The following PHF20L1 variants were observed in gnomAD, a reference collection of about 807,000 sequenced individuals.
PHF20L1 encodes the protein PHD finger protein 20-like protein 1.
PHF20L1 carries 44 observed loss-of-function variants against 125.5 expected under a neutral mutation model. The observed-to-expected ratio is 0.35, with a 90% CI of 0.28 to 0.45. The LOEUF is 0.45. Among genes scored for constraint, PHF20L1 ranks in the 20% least tolerant of loss-of-function variants. The pLI is 1.00. For missense variants in PHF20L1, 1,012 were observed against 1,217.2 expected, an observed-to-expected ratio of 0.83 and a Z score of 2.51; for synonymous variants, 380 against 403.1, an observed-to-expected ratio of 0.94 and a Z score of 0.69.
chr8:132,783,225 A>G (rs951361201), intron 2 of PHF20L1, among the ~76,000 whole-genome samples: 1 of 152,164 alleles, frequency 6.6e-6, no homozygotes, highest in Non-Finnish European at 1.5e-5. Context: ...AAATCTAAAG[A>G]AAAGGAAAAT....
At chr8:132,839,664 C>A in intron 18 of PHF20L1, 82 bp downstream of exon 18, 1 of 906,922 alleles carries the variant, frequency 1.1e-6, no homozygotes, top group East Asian at 2.5e-5. Flanking sequence ...TTTGATGGTC[C>A]AGAGTAACAG....
chr8:132,802,040 C>T (rs1833114398), intron 6 of PHF20L1, among the ~76,000 whole-genome samples: 1 of 151,482 alleles, frequency 6.6e-6, no homozygotes, highest in African/African-American at 2.4e-5. Flanking sequence ...CTTAATAGGT[C>T]TGCAAATGTA....
intron 9 of PHF20L1, chr8:132,811,799 A>G: frequency 5.1e-6 from 5 of 984,950 alleles, no homozygotes; most frequent in Non-Finnish European, 6.0e-6. Flanking sequence ...TAAGACTATA[A>G]GAACGCAGTA....
chr8:132,817,245 A>G, intron 11 of PHF20L1, 94 bp from the exon 12 acceptor site: 1 of 1,120,528 alleles, frequency 8.9e-7, no homozygotes, highest in South Asian at 1.5e-5. Context: ...TGTGCCAGGC[A>G]CTGTTTAAAT....
intron 12 of PHF20L1, chr8:132,818,592 T>TA (rs1325763127): frequency 1.3e-5 from 2 of 151,894 alleles, no homozygotes; most frequent in African/African-American, 4.8e-5. Context: ...TTATCATGTT[T>TA]AAAAAAATAA....
Position 132,839,414 on chromosome 8 carries a change from AT to A in PHF20L1, c.2220del (p.Tyr740Ter). On this transcript the variant is annotated frameshift_variant, in exon 18 of 21. Transcript: ENST00000395386. LOFTEE classifies it high-confidence loss of function. ...CAGAGGTGGAGTGCAAAATATCGTT[AT>A]GATAAGGAGTGGTTGAATAATGGGA... Reference protein sequence around the residue: ...PGQRWSAKYRYDKEWLNNGRM... With the variant: ...PGQRWSAKYRXDKEWLNNGRM... The A allele has an allele frequency of 6.2e-7, 1 of 1,613,256 alleles. No individual in the cohort carries two copies. The highest frequency in any genetic ancestry group is 8.5e-7 in the Non-Finnish European group (1 of 1,179,348).
Position 132,785,649 on chromosome 8 carries a change from G to A in PHF20L1, c.83+7738G>A, listed in dbSNP as rs556773301. Among the ~76,000 whole-genome samples the A allele has an allele frequency of 4.6e-5, 7 of 152,160 alleles. No homozygotes were observed. The South Asian group carries it at 1.5e-3, about 32-fold the overall frequency. Reference sequence around the variant, plus strand: ...CTTGCTACAGATGGTTAGCACATAAGAATATACTTCTTATTAAATTAGAAA... The same window carrying A: ...CTTGCTACAGATGGTTAGCACATAAAAATATACTTCTTATTAAATTAGAAA... On this transcript the variant is annotated intron_variant, in intron 2 of 20. Coordinates refer to ENST00000395386, the MANE Select transcript of PHF20L1 (RefSeq NM_016018.5).
chr8:132,799,167 A>G lies in PHF20L1; in HGVS notation c.502A>G (p.Ser168Gly). The change falls in exon 6 of 21, where the codon AGT (serine) becomes GGT (glycine). Residue 168 changes from serine to glycine, a missense_variant. By Grantham distance (56) the Ser-to-Gly change is moderately conservative. Coordinates refer to ENST00000395386, the MANE Select transcript of PHF20L1 (RefSeq NM_016018.5). The stretch of plus-strand genomic sequence containing the variant: ...TGGATCGTGTAACCAGTCTATGGGA[A>G]GTGAGGTAAGAGCCTTTTTTTTAAA... ...PAGSCNQSMG[S>G]EDWIALVKAA... 6.3e-7 allele frequency: 1 copy of G among 1,597,968 alleles called. No individual in the cohort carries two copies. Among genetic ancestry groups the G allele is most frequent in the Non-Finnish European group, 8.6e-7 (1 of 1,169,022 alleles).
chr8:132,817,277 G>T, intron 11 of PHF20L1, 62 bp from the exon 12 acceptor site: 1 of 1,355,004 alleles, frequency 7.4e-7, no homozygotes, highest in Non-Finnish European at 1.0e-6. Context: ...TTAATTCACA[G>T]TGATAGTAAC....
intron 14 of PHF20L1, among the ~76,000 whole-genome samples, chr8:132,828,523 T>G (rs763719663): frequency 6.6e-6 from 1 of 152,120 alleles, no homozygotes; most frequent in Non-Finnish European, 1.5e-5. Context: ...TACTTGTTTT[T>G]ATTGGCATAC....
chr8:132,793,847 T>C (rs1240425580), intron 2 of PHF20L1, among the ~76,000 whole-genome samples: 1 of 152,184 alleles, frequency 6.6e-6, no homozygotes, highest in Non-Finnish European at 1.5e-5. Context: ...ACAGTGTACA[T>C]GCTGATGTAT....
intron 15 of PHF20L1, 49 bp from the exon 16 acceptor site, chr8:132,836,491 C>T (rs754432451): frequency 1.3e-5 from 16 of 1,251,162 alleles, no homozygotes; most frequent in Non-Finnish European, 1.6e-5. Context: ...TGAAAAATAA[C>T]ATGAAAATAG....
chr8:132,837,903 G>A, intron 17 of PHF20L1, 92 bp downstream of exon 17: 1 of 825,700 alleles, frequency 1.2e-6, no homozygotes, highest in Non-Finnish European at 2.1e-6. Context: ...CACCACTACA[G>A]CAAGTTCTCA....
intron 2 of PHF20L1, among the ~76,000 whole-genome samples, chr8:132,791,227 A>G (rs894182014): frequency 1.3e-5 from 2 of 150,636 alleles, no homozygotes. Flanking sequence ...ACCCTAAGCT[A>G]AGCCCATCAG....
At chr8:132,841,059 T>G (rs932407013) in intron 18 of PHF20L1, among the ~76,000 whole-genome samples, 1 of 152,108 alleles carries the variant, frequency 6.6e-6, no homozygotes, top group Admixed American at 6.6e-5. Flanking sequence ...TTTAAAACCT[T>G]ATTTCCTTCT....
intron 2 of PHF20L1, among the ~76,000 whole-genome samples, chr8:132,779,382 C>G (rs1830178421): frequency 6.6e-6 from 1 of 152,162 alleles, no homozygotes; most frequent in Non-Finnish European, 1.5e-5. Flanking sequence ...GTTGAGGCAG[C>G]ACTTGTCTAT....
At chr8:132,839,981 T>G (rs1408650046) in intron 18 of PHF20L1, among the ~76,000 whole-genome samples, 5 of 152,088 alleles carry the variant, frequency 3.3e-5, no homozygotes, top group African/African-American at 1.2e-4. Flanking sequence ...AAGATTGATT[T>G]AAAGGTGATG....
chr8:132,812,673 T>G, intron 9 of PHF20L1: 2 of 985,076 alleles, frequency 2.0e-6, no homozygotes, highest in Non-Finnish European at 2.4e-6. Flanking sequence ...GAACAAACAC[T>G]TATTTTTATC....
intron 2 of PHF20L1, among the ~76,000 whole-genome samples, chr8:132,788,539 T>G (rs1334749211): frequency 6.6e-6 from 1 of 152,062 alleles, no homozygotes; most frequent in Non-Finnish European, 1.5e-5. Flanking sequence ...CAACTCTATC[T>G]TAAGTGCAGG....
Sources: allele counts gnomAD v4.1 joint callset (sites outside exome capture counted in the v4.1 genomes callset), GRCh38; gene constraint gnomAD v4.1.1; transcripts MANE v1.5; gene names NCBI Gene and HGNC (gene_info 2026-07-23, HGNC 2026-07-21).